Variants in FGF2 observed in about 807,000 individuals in gnomAD.
FGF2 encodes the protein fibroblast growth factor 2.
FGF2 carries 13 observed loss-of-function variants against 15.9 expected under a neutral mutation model. The ratio of observed to expected loss-of-function variants is 0.82; its 90% CI spans 0.53 to 1.30. The LOEUF (loss-of-function observed/expected upper bound fraction) is 1.30, where lower values mean the gene tolerates loss of function less well. Among genes scored for constraint, FGF2 ranks in the 50% most tolerant of loss-of-function variants. The pLI, the probability that FGF2 is intolerant of heterozygous loss-of-function variation, is 0.00. For missense variants in FGF2, 163 were observed against 196.9 expected, an observed-to-expected ratio of 0.83 and a Z score of 1.03; for synonymous variants, 90 against 78.4, an observed-to-expected ratio of 1.15 and a Z score of -0.78.
intron 1 of FGF2, among the ~76,000 whole-genome samples, chr4:122,874,508 T>C (rs965978978): frequency 2.6e-5 from 4 of 152,214 alleles, no homozygotes; most frequent in African/African-American, 9.6e-5. Context: ...ATTGTCTTTT[T>C]TTTAAATTGT....
chr4:122,870,419 G>A (rs1201399638), intron 1 of FGF2, among the ~76,000 whole-genome samples: 2 of 152,270 alleles, frequency 1.3e-5, no homozygotes, highest in East Asian at 1.9e-4. Context: ...GCTCTTCTTT[G>A]TATTTCTGGT....
At chr4:122,832,016 T>G (rs1000935947) in intron 1 of FGF2, among the ~76,000 whole-genome samples, 2 of 152,148 alleles carry the variant, frequency 1.3e-5, no homozygotes, top group Non-Finnish European at 2.9e-5. Flanking sequence ...AAAAGACAAT[T>G]TAAGGTCTCA....
chr4:122,887,927 G>C (rs545131248), intron 2 of FGF2, among the ~76,000 whole-genome samples: 3 of 151,992 alleles, frequency 2.0e-5, no homozygotes, highest in African/African-American at 7.3e-5. Context: ...AAATAAATTA[G>C]TACTTTTTAA....
At chr4:122,851,628 C>T (rs186148187) in intron 1 of FGF2, among the ~76,000 whole-genome samples, 14 of 152,266 alleles carry the variant, frequency 9.2e-5, no homozygotes, top group East Asian at 1.9e-4. Context: ...AACTGACTGT[C>T]TAAATAGGGG....
chr4:122,847,198 C>A (rs2150769337), intron 1 of FGF2, among the ~76,000 whole-genome samples: 1 of 152,316 alleles, frequency 6.6e-6, no homozygotes, highest in Admixed American at 6.5e-5. Context: ...AATCTAAAAT[C>A]AAATATATTC....
intron 1 of FGF2, among the ~76,000 whole-genome samples, chr4:122,875,388 A>G (rs1340327357): frequency 2.1e-5 from 3 of 144,684 alleles, no homozygotes; most frequent in African/African-American, 7.4e-5. Context: ...CAAATTAAGT[A>G]TAAGCATTTT....
chr4:122,832,595 AT>A (rs746401307), intron 1 of FGF2, among the ~76,000 whole-genome samples: 6 of 152,206 alleles, frequency 3.9e-5, no homozygotes, highest in Non-Finnish European at 8.8e-5. Flanking sequence ...AAACAAATGT[AT>A]TTTGTTCTGT....
intron 1 of FGF2, among the ~76,000 whole-genome samples, chr4:122,843,011 A>G (rs1201963444): frequency 6.6e-6 from 1 of 152,190 alleles, no homozygotes; most frequent in Non-Finnish European, 1.5e-5. Context: ...TATACAGAGC[A>G]TTGGGTGCTG....
At position 122,892,769 on chromosome 4, in the gene FGF2, G is replaced by A; in HGVS notation, c.*373G>A. The A allele has an allele frequency of 7.1e-7, 1 of 1,410,364 alleles. No homozygotes were observed. Among genetic ancestry groups the A allele is most frequent in the Non-Finnish European group, 9.6e-7 (1 of 1,044,656 alleles). The allele number at this position is 1,410,364 out of a possible 1,614,324, so 87.4% of individuals were successfully genotyped here. On this transcript the variant is annotated 3_prime_UTR_variant, in exon 3 of 3. Coordinates refer to ENST00000644866, the MANE Select transcript of FGF2 (RefSeq NM_001361665.2). ...GTCAGATGTTTAATCAATCCAAAAT[G>A]TCCACTATTTCTTATGTCATTCGTT...
At chr4:122,836,503 T>A (rs1345302743) in intron 1 of FGF2, among the ~76,000 whole-genome samples, 1 of 152,200 alleles carries the variant, frequency 6.6e-6, no homozygotes, top group Non-Finnish European at 1.5e-5. Context: ...TAATTTTATG[T>A]CCCCCAGTTT....
chr4:122,861,167 C>T (rs914152982), intron 1 of FGF2, among the ~76,000 whole-genome samples: 13 of 152,032 alleles, frequency 8.6e-5, no homozygotes, highest in Admixed American at 2.0e-4. Context: ...TTGAGAAGAT[C>T]GCAGCCACTT....
At chr4:122,846,528 AAT>A (rs1726115370) in intron 1 of FGF2, among the ~76,000 whole-genome samples, 3 of 152,214 alleles carry the variant, frequency 2.0e-5, no homozygotes, top group Non-Finnish European at 4.4e-5. Context: ...TAATGCTGAA[AAT>A]ATTAGTCCAT....
chr4:122,843,325 AAAG>A (rs1726036543), intron 1 of FGF2, among the ~76,000 whole-genome samples: 1 of 152,250 alleles, frequency 6.6e-6, no homozygotes, highest in Non-Finnish European at 1.5e-5. Flanking sequence ...TTGGGAACCA[AAAG>A]AAGTTTGGAA....
rs1048593293 is a variant in FGF2 at position 122,897,731 on chromosome 4, A to T, written c.*5335A>T. The T allele has an allele frequency of 1.7e-6, 2 of 1,184,314 alleles. No individual in the cohort carries two copies. The highest frequency in any genetic ancestry group is 4.9e-5 in the East Asian group (2 of 40,980). 73.4% of individuals were successfully genotyped at this position (1,184,314 alleles called of 1,614,324 possible). A position where few individuals can be genotyped will look rare whatever the true frequency, so the allele number is the denominator to read the frequency against. On this transcript the variant is annotated 3_prime_UTR_variant, in exon 3 of 3. Coordinates refer to ENST00000644866, the MANE Select transcript of FGF2 (RefSeq NM_001361665.2). ...TAACATAACTTTCACTAACACACAC[A>T]TATGTAGATTTCACAAAATCCACCT...
chr4:122,860,704 A>T (rs1296662249), intron 1 of FGF2, among the ~76,000 whole-genome samples: 1 of 151,676 alleles, frequency 6.6e-6, no homozygotes, highest in Non-Finnish European at 1.5e-5. Context: ...CAATCCACCC[A>T]CCTTGGCCTC....
At chr4:122,850,839 G>T (rs537851014) in intron 1 of FGF2, among the ~76,000 whole-genome samples, 2 of 152,272 alleles carry the variant, frequency 1.3e-5, no homozygotes, top group South Asian at 2.1e-4. Flanking sequence ...GTGATTTTAG[G>T]CTTCTTTTTT....
rs1727292605 is a variant in FGF2, at chr4:122,894,570, G to A, written c.*2174G>A. 6.6e-6 allele frequency: 1 copy of A among 152,150 alleles called. No homozygotes were observed. Among genetic ancestry groups the A allele is most frequent in the Admixed American group, 6.5e-5 (1 of 15,276 alleles). The allele number at this position is 152,150 out of a possible 1,614,324, so 9.4% of individuals were successfully genotyped here. On this transcript the variant is annotated 3_prime_UTR_variant, in exon 3 of 3. Transcript: ENST00000644866. ...CCACTGCAGTCCAGCCTAGGCAACA[G>A]AGTGAGACTTTGTCTCAAAAAAAGA...
At chr4:122,832,950 AC>A (rs1578448249) in intron 1 of FGF2, among the ~76,000 whole-genome samples, 1 of 152,172 alleles carries the variant, frequency 6.6e-6, no homozygotes, top group Admixed American at 6.5e-5. Flanking sequence ...AGGGGAACTC[AC>A]CCTTTGAGCC....
intron 1 of FGF2, among the ~76,000 whole-genome samples, chr4:122,843,442 A>C (rs933649320): frequency 1.3e-5 from 2 of 152,204 alleles, no homozygotes; most frequent in African/African-American, 4.8e-5. Flanking sequence ...TGGGGAGTCA[A>C]TGGAGGGTTT....
Sources: allele counts gnomAD v4.1 joint callset (sites outside exome capture counted in the v4.1 genomes callset), GRCh38; gene constraint gnomAD v4.1.1; transcripts MANE v1.5; gene names NCBI Gene and HGNC (gene_info 2026-07-23, HGNC 2026-07-21).